The following SLC6A2 variants were observed in gnomAD, a reference collection of about 807,000 sequenced individuals.
The protein encoded by SLC6A2 is solute carrier family 6 member 2.
SLC6A2 carries 26 observed loss-of-function variants against 71.7 expected under a neutral mutation model. The observed-to-expected ratio is 0.36, with a 90% CI of 0.27 to 0.50. The LOEUF (loss-of-function observed/expected upper bound fraction) is 0.50. SLC6A2 is among the 20% of genes least tolerant of loss of function. The pLI is 0.96. For synonymous variants in SLC6A2, 363 were observed against 337.9 expected, an observed-to-expected ratio of 1.07 and a Z score of -0.82; for missense variants, 581 against 803.9, an observed-to-expected ratio of 0.72 and a Z score of 3.35.
chr16:55,667,792 C>CTCATG (rs1567433617), intron 2 of SLC6A2, among the ~76,000 whole-genome samples: 1 of 152,142 alleles, frequency 6.6e-6, no homozygotes. Flanking sequence ...CCTATTCAGA[C>CTCATG]TCATGTCCTT....
chr16:55,702,754 AAAAAAAACT>A lies in SLC6A2; in HGVS notation c.*413_*421del. The A allele has an allele frequency of 9.5e-7, 1 of 1,052,302 alleles. No homozygotes were observed. Among genetic ancestry groups the A allele is most frequent in the Non-Finnish European group, 1.1e-6 (1 of 874,028 alleles). 65.2% of individuals were successfully genotyped at this position (1,052,302 alleles called of 1,614,324 possible). On this transcript the variant is annotated 3_prime_UTR_variant, in exon 15 of 15. Coordinates refer to ENST00000568943, the MANE Select transcript of SLC6A2 (RefSeq NM_001172501.3). ...TTGATCAGATACCCCTCCCAAAAAA[AAAAAAAACT>A]AAAACTAAAGCAAAAATCAAACAAA...
intron 14 of SLC6A2, 38 bp from the exon 15 acceptor site, chr16:55,702,285 C>T: frequency 6.2e-7 from 1 of 1,611,024 alleles, no homozygotes; most frequent in Non-Finnish European, 8.5e-7. Flanking sequence ...CTTTCTGTCC[C>T]CACCATGTCA....
chr16:55,657,102 G>T, intron 2 of SLC6A2, 134 bp downstream of exon 2: 1 of 956,862 alleles, frequency 1.0e-6, no homozygotes, highest in South Asian at 1.6e-5. Flanking sequence ...GAAAGAACTG[G>T]ACAGGGCTAA....
At chr16:55,658,022 C>G (rs1291247434) in intron 2 of SLC6A2, among the ~76,000 whole-genome samples, 2 of 152,110 alleles carry the variant, frequency 1.3e-5, no homozygotes, top group Non-Finnish European at 2.9e-5. Context: ...GAAAGCCTCT[C>G]TCTCTCCACT....
Position 55,702,591 on chromosome 16 carries a change from C to G in SLC6A2, c.*245C>G, listed in dbSNP as rs1402244043. The G allele has an allele frequency of 7.1e-7, 1 of 1,415,818 alleles. No homozygotes were observed. Among genetic ancestry groups the G allele is most frequent in the Non-Finnish European group, 9.2e-7 (1 of 1,085,930 alleles). 87.7% of individuals were successfully genotyped at this position (1,415,818 alleles called of 1,614,324 possible). A position where few individuals can be genotyped will look rare whatever the true frequency, so the allele number is the denominator to read the frequency against. On this transcript the variant is annotated 3_prime_UTR_variant, in exon 15 of 15. Transcript: ENST00000568943. ...CAGGAAAATGACTTCTGTTCTGTCC[C>G]CGCTGTTTTGGGGGAAGTCTCTCCC...
At chr16:55,677,220 G>A (rs1027124581) in intron 4 of SLC6A2, among the ~76,000 whole-genome samples, 5 of 152,126 alleles carry the variant, frequency 3.3e-5, no homozygotes, top group African/African-American at 9.7e-5. Flanking sequence ...GAGCTTGCAG[G>A]TGGGGGTTTT....
intron 2 of SLC6A2, among the ~76,000 whole-genome samples, chr16:55,658,370 G>A (rs2142479264): frequency 6.6e-6 from 1 of 152,200 alleles, no homozygotes; most frequent in African/African-American, 2.4e-5. Flanking sequence ...AAACTTAGCT[G>A]GGCGTAGTGG....
chr16:55,700,094 C>T (rs1965922336), intron 12 of SLC6A2, 45 bp from the exon 13 acceptor site: 1 of 1,557,088 alleles, frequency 6.4e-7, no homozygotes, highest in East Asian at 2.2e-5. Flanking sequence ...TCTTGTCTCT[C>T]TTCTGTCCTG....
rs1306295038 is a variant in SLC6A2, at chr16:55,705,329, C to T, written c.*2983C>T. The T allele has an allele frequency of 8.3e-7, 1 of 1,211,304 alleles. No homozygotes were observed. The highest frequency in any genetic ancestry group is 1.2e-6 in the Non-Finnish European group (1 of 857,428). 75.0% of individuals were successfully genotyped at this position (1,211,304 alleles called of 1,614,324 possible). ...AAAGGAGTTACCGCTCAGCTGGGAG[C>T]CAGTTCCTGCTATATGATCTGTTTT... On this transcript the variant is annotated 3_prime_UTR_variant, in exon 15 of 15. Coordinates refer to ENST00000568943, the MANE Select transcript of SLC6A2 (RefSeq NM_001172501.3).
intron 2 of SLC6A2, among the ~76,000 whole-genome samples, chr16:55,661,914 C>T (rs1964620751): frequency 6.6e-6 from 1 of 152,192 alleles, no homozygotes; most frequent in African/African-American, 2.4e-5. Context: ...GAGTATGAAG[C>T]AGTAGCTGCT....
At position 55,698,464 on chromosome 16, in the gene SLC6A2, G is replaced by A. The variant is rs750983871; in HGVS notation, c.1390-5G>A. 8.7e-6 allele frequency: 14 copies of A among 1,609,196 alleles called. No individual in the cohort carries two copies. In the Admixed American group the frequency reaches 1.8e-4, roughly 21 times the overall value. On this transcript the variant is annotated splice_region_variant and splice_polypyrimidine_tract_variant and intron_variant, in intron 10 of 14. Transcript: ENST00000568943. ...GCCTCTTGGCTTCTTCTCTCCCTGT[G>A]CCAGGGTGGAATTTACGTCTTGACC...
intron 2 of SLC6A2, among the ~76,000 whole-genome samples, chr16:55,667,954 T>C (rs1964800004): frequency 6.6e-6 from 1 of 152,220 alleles, no homozygotes; most frequent in African/African-American, 2.4e-5. Flanking sequence ...ACCCTCAGTT[T>C]CCTCATCTGA....
At chr16:55,660,437 C>T (rs557945841) in intron 2 of SLC6A2, among the ~76,000 whole-genome samples, 1 of 152,342 alleles carries the variant, frequency 6.6e-6, no homozygotes, top group Admixed American at 6.5e-5. Context: ...CCCCTCATCC[C>T]TTCAGACATG....
chr16:55,679,237 T>TC (rs1232767353), intron 4 of SLC6A2, among the ~76,000 whole-genome samples: 1 of 151,900 alleles, frequency 6.6e-6, no homozygotes, highest in Non-Finnish European at 1.5e-5. Flanking sequence ...TTTTTCTTTT[T>TC]TTTTTTTTGA....
intron 5 of SLC6A2, among the ~76,000 whole-genome samples, chr16:55,685,482 C>T (rs1168259814): frequency 6.6e-6 from 1 of 152,106 alleles, no homozygotes; most frequent in Admixed American, 6.5e-5. Flanking sequence ...TCTGTGTCTC[C>T]ACCACAATAG....
intron 13 of SLC6A2, 70 bp downstream of exon 13, chr16:55,700,376 T>G: frequency 7.3e-7 from 1 of 1,369,168 alleles, no homozygotes; most frequent in African/African-American, 1.5e-5. Flanking sequence ...CGACTCTCAT[T>G]CCTGTTGGGG....
chr16:55,697,918 A>T lies in SLC6A2; in HGVS notation c.1282A>T (p.Ile428Phe), dbSNP rs1163523850. The part of the protein sequence containing the change: ...DSSMGGMEAV[I>F]TGLADDFQVL... Reference sequence around the variant, plus strand: ...CCAGATGGGAGGCATGGAGGCTGTCATCACGGGCCTGGCAGATGACTTCCA... The same window carrying T: ...CCAGATGGGAGGCATGGAGGCTGTCTTCACGGGCCTGGCAGATGACTTCCA... The change falls in exon 10 of 15, where the codon ATC becomes TTC. Residue 428 changes from isoleucine (I) to phenylalanine (F), a missense_variant. Around this residue, in one of 5 missense-constraint regions of SLC6A2, gnomAD observed 334 missense variants for 449.0 expected, o/e 0.74. Transcript: ENST00000568943. 1.9e-6 allele frequency: 3 copies of T among 1,614,006 alleles called. No individual in the cohort carries two copies. The highest frequency in any genetic ancestry group is 2.5e-6 in the Non-Finnish European group (3 of 1,180,014).
Position 55,705,359 on chromosome 16 carries a change from C to A in SLC6A2, c.*3013C>A. Reference sequence around the variant, plus strand: ...TCCTGCTATATGATCTGTTTTCTAGCCTCGCTAATGTGAGACTGAAGCATT... The same window carrying A: ...TCCTGCTATATGATCTGTTTTCTAGACTCGCTAATGTGAGACTGAAGCATT... On this transcript the variant is annotated 3_prime_UTR_variant, in exon 15 of 15. Transcript: ENST00000568943. 3.4e-6 allele frequency: 3 copies of A among 880,984 alleles called. No homozygotes were observed. Among genetic ancestry groups the A allele is most frequent in the African/African-American group, 1.7e-5 (1 of 59,394 alleles). The allele number at this position is 880,984 out of a possible 1,614,324, so 54.6% of individuals were successfully genotyped here. A position where few individuals can be genotyped will look rare whatever the true frequency, so the allele number is the denominator to read the frequency against.
intron 7 of SLC6A2, among the ~76,000 whole-genome samples, chr16:55,694,475 G>A (rs759110519): frequency 6.6e-6 from 1 of 152,128 alleles, no homozygotes; most frequent in Non-Finnish European, 1.5e-5. Flanking sequence ...GGCCTGGCAG[G>A]GTCAGAAGTG....
Sources: allele counts gnomAD v4.1 joint callset (sites outside exome capture counted in the v4.1 genomes callset), GRCh38; gene constraint gnomAD v4.1.1; regional missense constraint gnomAD v4.1.1; transcripts MANE v1.5; gene names NCBI Gene and HGNC (gene_info 2026-07-23, HGNC 2026-07-21).